EPHA5: variants seen among roughly 807,000 people sequenced by gnomAD.
EPHA5 encodes EPH receptor A5.
EPHA5 carries 60 observed loss-of-function variants against 105.0 expected under a neutral mutation model. The ratio of observed to expected loss-of-function variants is 0.57; its 90% CI spans 0.46 to 0.71. The LOEUF is 0.71. EPHA5 is among the 30% of genes least tolerant of loss of function. EPHA5 has a pLI of 0.00. For synonymous variants in EPHA5, 513 were observed against 449.1 expected (o/e 1.14, Z -1.80); for missense variants, 1,218 against 1,274.7 (o/e 0.96, Z 0.68).
intron 2 of EPHA5, among the ~76,000 whole-genome samples, chr4:65,603,892 T>C (rs1297139462): frequency 6.6e-6 from 1 of 152,156 alleles, no homozygotes; most frequent in Non-Finnish European, 1.5e-5. Context: ...CTTTCCAATG[T>C]GATTTAAGTA....
chr4:65,385,938 C>G (rs1207401173), intron 8 of EPHA5, among the ~76,000 whole-genome samples: 1 of 151,794 alleles, frequency 6.6e-6, no homozygotes, highest in South Asian at 2.1e-4. Context: ...AAATAATACC[C>G]GTGTAGCTGC....
chr4:65,460,255 C>A (rs1190938987), intron 5 of EPHA5, among the ~76,000 whole-genome samples: 1 of 151,270 alleles, frequency 6.6e-6, no homozygotes, highest in Non-Finnish European at 1.5e-5. Flanking sequence ...ATTATATAGT[C>A]TCAAGTTTCA....
rs529647981 is a variant in EPHA5, at chr4:65,559,748, T to C, written c.910+41893A>G. ...AAATAAAAATAATAATGCCAGCAAC[T>C]TCAGGGACCCTTAGTCTGAATTTAT... On this transcript the variant is annotated intron_variant, in intron 3 of 16. Coordinates refer to ENST00000613740, the MANE Select transcript of EPHA5 (RefSeq NM_001281766.3). Among the ~76,000 whole-genome samples, 18 of 152,252 alleles carry C rather than the reference T, an allele frequency of 1.2e-4. No homozygotes were observed. In the South Asian group the frequency reaches 3.7e-3, roughly 32 times the overall value.
chr4:65,640,278 TTTTC>T (rs1178362037), intron 2 of EPHA5, among the ~76,000 whole-genome samples: 5 of 118,430 alleles, frequency 4.2e-5, no homozygotes, highest in African/African-American at 9.5e-5. Flanking sequence ...TTGCTCAGTT[TTTTC>T]TTTTTTTTTT....
chr4:65,447,781 A>G (rs968951629), intron 5 of EPHA5, among the ~76,000 whole-genome samples: 1 of 145,346 alleles, frequency 6.9e-6, no homozygotes. Flanking sequence ...GAATAAATTT[A>G]CCCTTATCTG....
At chr4:65,348,315 G>T in intron 13 of EPHA5, 112 bp from the exon 14 acceptor site, 2 of 966,836 alleles carry the variant, frequency 2.1e-6, no homozygotes, top group South Asian at 3.4e-5. Context: ...AAGTGAATCT[G>T]TTTGACAGCG....
intron 7 of EPHA5, among the ~76,000 whole-genome samples, chr4:65,411,636 C>G (rs1438467892): frequency 6.6e-6 from 1 of 151,746 alleles, no homozygotes. Flanking sequence ...AGGAAAAATA[C>G]CAATAGGTTG....
At chr4:65,647,519 C>T (rs1464576721) in intron 1 of EPHA5, among the ~76,000 whole-genome samples, 2 of 151,864 alleles carry the variant, frequency 1.3e-5, no homozygotes, top group Non-Finnish European at 2.9e-5. Context: ...ATATGCTTGT[C>T]GTAAATTGCA....
At chr4:65,542,439 A>T (rs1019843187) in intron 3 of EPHA5, among the ~76,000 whole-genome samples, 5 of 152,050 alleles carry the variant, frequency 3.3e-5, no homozygotes, top group South Asian at 4.1e-4. Flanking sequence ...AGAATACTGT[A>T]ACACTTCTAC....
intron 3 of EPHA5, among the ~76,000 whole-genome samples, chr4:65,547,399 G>T (rs578092492): frequency 9.9e-5 from 15 of 151,762 alleles, no homozygotes; most frequent in Admixed American, 7.9e-4. Flanking sequence ...ATGAGATAAG[G>T]AAGCTGTTTT....
chr4:65,496,335 C>T (rs1417643560), intron 3 of EPHA5, among the ~76,000 whole-genome samples: 3 of 148,778 alleles, frequency 2.0e-5, no homozygotes, highest in East Asian at 2.0e-4. Context: ...CCCACTAACT[C>T]GTCATCTAGC....
intron 8 of EPHA5, among the ~76,000 whole-genome samples, chr4:65,398,808 C>T (rs1451077313): frequency 1.3e-5 from 2 of 152,126 alleles, no homozygotes; most frequent in East Asian, 1.9e-4. Flanking sequence ...GAGCTGCACT[C>T]ACTGGGATGA....
chr4:65,445,338 A>G (rs1030658760), intron 5 of EPHA5, among the ~76,000 whole-genome samples: 1 of 152,154 alleles, frequency 6.6e-6, no homozygotes, highest in Admixed American at 6.6e-5. Flanking sequence ...CAAAAATATT[A>G]CATTTTTAAA....
At chr4:65,635,203 A>G (rs1434647112) in intron 2 of EPHA5, among the ~76,000 whole-genome samples, 1 of 152,118 alleles carries the variant, frequency 6.6e-6, no homozygotes, top group Non-Finnish European at 1.5e-5. Context: ...GAAAAGCCAT[A>G]AACTCCTGTT....
chr4:65,528,574 C>G (rs1317295038), intron 3 of EPHA5, among the ~76,000 whole-genome samples: 1 of 151,992 alleles, frequency 6.6e-6, no homozygotes, highest in African/African-American at 2.4e-5. Flanking sequence ...TCACGAATTT[C>G]CAAGAGGGAA....
intron 16 of EPHA5, chr4:65,330,802 CAT>C (rs1353479248): frequency 3.9e-6 from 4 of 1,028,266 alleles, no homozygotes; most frequent in Middle Eastern, 4.5e-4. Flanking sequence ...ATGGACAAAG[CAT>C]ATGTGTTATC....
chr4:65,555,633 T>C (rs1193146635), intron 3 of EPHA5, among the ~76,000 whole-genome samples: 4 of 150,748 alleles, frequency 2.7e-5, no homozygotes, highest in Non-Finnish European at 5.9e-5. Flanking sequence ...ATATTACGTA[T>C]TTTAACACAT....
chr4:65,629,916 G>A (rs145105990), intron 2 of EPHA5, among the ~76,000 whole-genome samples: 2 of 152,198 alleles, frequency 1.3e-5, no homozygotes, highest in African/African-American at 4.8e-5. Context: ...TAATATAGGA[G>A]GGCAAATTTG....
intron 3 of EPHA5, among the ~76,000 whole-genome samples, chr4:65,599,161 C>T (rs985721297): frequency 1.3e-5 from 2 of 151,942 alleles, no homozygotes. Context: ...AGAAAGTTGA[C>T]TGGTAATTTC....
Sources: gnomAD v4.1 joint callset for allele counts (sites outside exome capture counted in the v4.1 genomes callset) on GRCh38, gnomAD v4.1.1 for gene constraint, MANE v1.5 for transcripts, NCBI Gene and HGNC (gene_info 2026-07-23, HGNC 2026-07-21) for gene names.